The following PPP1R37 variants were observed in gnomAD, a reference collection of about 807,000 sequenced individuals.
PPP1R37 encodes the protein protein phosphatase 1 regulatory subunit 37.
PPP1R37 carries 21 observed loss-of-function variants against 61.0 expected under a neutral mutation model. That is an observed-to-expected ratio of 0.34 (90% confidence interval 0.24 to 0.50). The LOEUF (loss-of-function observed/expected upper bound fraction) is 0.50, where lower values mean the gene tolerates loss of function less well. PPP1R37 is among the 20% of genes least tolerant of loss of function. PPP1R37 has a pLI of 0.98. For synonymous variants in PPP1R37, 443 were observed against 433.5 expected (o/e 1.02, Z -0.27); for missense variants, 910 against 952.7 (o/e 0.96, Z 0.59).
Position 45,141,274 on chromosome 19 carries a change from C to A in PPP1R37, c.448-48C>A, listed in dbSNP as rs547486226. On this transcript the variant is annotated intron_variant, in intron 4 of 12. Transcript: ENST00000221462. ...CGGTGTCAGGGCCCACGCCTCTCCT[C>A]CAGGGCAGCCCAGAGCTGAGGCTGA... 5 of 1,503,444 alleles carry A rather than the reference C, an allele frequency of 3.3e-6. No homozygotes were observed. In the Admixed American group the frequency reaches 1.1e-4, roughly 33 times the overall value. 93.1% of individuals were successfully genotyped at this position (1,503,444 alleles called of 1,614,324 possible).
rs1301265403 is a variant in PPP1R37, at chr19:45,121,707, G to T, written c.203-16807G>T. Among the ~76,000 whole-genome samples, 1 of 152,234 alleles carries T rather than the reference G, an allele frequency of 6.6e-6. No homozygotes were observed. The highest frequency in any genetic ancestry group is 1.5e-5 in the Non-Finnish European group (1 of 68,040). The stretch of plus-strand genomic sequence containing the variant: ...TGAGGGGCCTCTGGATGCCCGCGGT[G>T]GGGTGCTGGGGCCTCCACGGGCGTC... On this transcript the variant is annotated intron_variant, in intron 1 of 12. Coordinates refer to ENST00000221462, the MANE Select transcript of PPP1R37 (RefSeq NM_019121.2). This position sits in a 1 kb window ranked among gnomAD's most constrained non-coding sequence, Gnocchi z 4.2.
At chr19:45,093,994 G>T (rs1334255335) in intron 1 of PPP1R37, among the ~76,000 whole-genome samples, 2 of 152,202 alleles carry the variant, frequency 1.3e-5, no homozygotes, top group Non-Finnish European at 2.9e-5. Context: ...GAGTGGTCGT[G>T]TTGGCCACTT....
intron 1 of PPP1R37, among the ~76,000 whole-genome samples, chr19:45,111,854 A>G (rs1968205336): frequency 6.6e-6 from 1 of 152,144 alleles, no homozygotes; most frequent in Non-Finnish European, 1.5e-5. Flanking sequence ...GGCCTTTTTA[A>G]AAGTTTTATC....
chr19:45,096,811 G>C (rs1434973317), intron 1 of PPP1R37, among the ~76,000 whole-genome samples: 1 of 152,202 alleles, frequency 6.6e-6, no homozygotes, highest in Admixed American at 6.5e-5. Context: ...CTGAGCTGCA[G>C]AGGTGATGAC....
At chr19:45,120,440 G>A (rs760460919) in intron 1 of PPP1R37, among the ~76,000 whole-genome samples, 23 of 152,144 alleles carry the variant, frequency 1.5e-4, no homozygotes, top group Non-Finnish European at 2.2e-4. Context: ...TCTCTGTGGC[G>A]GCAGGGCTCC....
intron 2 of PPP1R37, 43 bp downstream of exon 2, chr19:45,138,654 G>A: frequency 6.9e-7 from 1 of 1,439,038 alleles, no homozygotes; most frequent in African/African-American, 1.4e-5. Context: ...TGGGTGTCAA[G>A]GGGGGCCCTA....
intron 1 of PPP1R37, among the ~76,000 whole-genome samples, chr19:45,106,084 A>C (rs1392740018): frequency 6.6e-6 from 1 of 152,100 alleles, no homozygotes; most frequent in African/African-American, 2.4e-5. Flanking sequence ...ACTGCCTTCC[A>C]GTGCAGTCAA....
chr19:45,108,233 A>G (rs1364965618), intron 1 of PPP1R37, among the ~76,000 whole-genome samples: 2 of 152,096 alleles, frequency 1.3e-5, no homozygotes, highest in African/African-American at 4.8e-5. Flanking sequence ...GGCCAGAGAC[A>G]GGGTCTCGAT....
In PPP1R37 at chr19:45,121,604, C is replaced by G. The variant is rs935294305; in HGVS notation, c.203-16910C>G. ...ACGCAGTGAATATACAGGGTCCTCA[C>G]GCAAGGACCTGAGAGATGTGTGGGC... On this transcript the variant is annotated intron_variant, in intron 1 of 12. Coordinates refer to ENST00000221462, the MANE Select transcript of PPP1R37 (RefSeq NM_019121.2). This position sits in a 1 kb window ranked among gnomAD's most constrained non-coding sequence, Gnocchi z 4.2. Among the ~76,000 whole-genome samples, 1 of 152,234 alleles carries G rather than the reference C, an allele frequency of 6.6e-6. No individual in the cohort carries two copies. Among genetic ancestry groups the G allele is most frequent in the South Asian group, 2.1e-4 (1 of 4,830 alleles).
intron 1 of PPP1R37, among the ~76,000 whole-genome samples, chr19:45,100,737 C>T (rs1405620834): frequency 1.3e-5 from 2 of 152,124 alleles, no homozygotes; most frequent in African/African-American, 2.4e-5. Context: ...GCTGGCTTTG[C>T]GGTGTTGTGG....
chr19:45,093,526 T>TGA lies in PPP1R37; in HGVS notation c.202_202+1insAG (p.Ala68GlufsTer5). 3 of 1,532,632 alleles carry TGA rather than the reference T, an allele frequency of 2.0e-6. No homozygotes were observed. The highest frequency in any genetic ancestry group is 2.6e-6 in the Non-Finnish European group (3 of 1,144,950). The allele number at this position is 1,532,632 out of a possible 1,614,324, so 94.9% of individuals were successfully genotyped here. On this transcript the variant is annotated frameshift_variant and splice_region_variant, in exon 1 of 13. Coordinates refer to ENST00000221462, the MANE Select transcript of PPP1R37 (RefSeq NM_019121.2). LOFTEE classifies it high-confidence loss of function. ...TGGAGCCCAAAGACCCCTGGAGACA[T>TGA]GGTAGCTACCGCGGGTGAAGCGGGG...
rs1462876870 is a variant in PPP1R37, at chr19:45,145,442, G to A, written c.1386G>A (p.Glu462=). 2.6e-6 allele frequency: 4 copies of A among 1,535,314 alleles called. No individual in the cohort carries two copies. Among genetic ancestry groups the A allele is most frequent in the Admixed American group, 2.0e-5 (1 of 50,984 alleles). Residue 462 remains glutamate, a synonymous_variant, in exon 11 of 13, where the codon GAG becomes GAA. Coordinates refer to ENST00000221462, the MANE Select transcript of PPP1R37 (RefSeq NM_019121.2). ...KRNLVLARER[E]EKEQPPQLSA... is the part of the protein sequence containing the mutation. ...ACTTGGTGCTGGCGCGGGAGAGGGA[G>A]GAGAAGGAGCAGCCGCCACAGCTGT...
At chr19:45,118,314 T>C (rs1968296542) in intron 1 of PPP1R37, among the ~76,000 whole-genome samples, 1 of 152,146 alleles carries the variant, frequency 6.6e-6, no homozygotes, top group South Asian at 2.1e-4. Flanking sequence ...TCACAGGGCA[T>C]CTGAGGATGT....
intron 1 of PPP1R37, among the ~76,000 whole-genome samples, chr19:45,111,545 G>A (rs1163037698): frequency 1.3e-5 from 2 of 152,182 alleles, no homozygotes; most frequent in African/African-American, 4.8e-5. Context: ...CAAAGTACTG[G>A]GATTACAGGC....
chr19:45,106,727 A>G (rs907183350), intron 1 of PPP1R37, among the ~76,000 whole-genome samples: 26 of 146,082 alleles, frequency 1.8e-4, no homozygotes, highest in Non-Finnish European at 3.7e-4. Context: ...ATTGTTTTGT[A>G]GAGATGGATT....
intron 1 of PPP1R37, among the ~76,000 whole-genome samples, chr19:45,124,846 C>CT (rs1968383250): frequency 2.0e-5 from 3 of 151,190 alleles, no homozygotes; most frequent in Admixed American, 1.3e-4. Flanking sequence ...TAGGGTGTGC[C>CT]TGTAGTCTCA....
chr19:45,104,883 C>T (rs890693095), intron 1 of PPP1R37, among the ~76,000 whole-genome samples: 10 of 152,312 alleles, frequency 6.6e-5, no homozygotes, highest in Middle Eastern at 3.4e-3. Context: ...GCCCCACCTA[C>T]GCACACAGGT....
chr19:45,135,779 CTTTTTTTTTTT>C (rs546534256), intron 1 of PPP1R37, among the ~76,000 whole-genome samples: 1 of 128,840 alleles, frequency 7.8e-6, no homozygotes, highest in Non-Finnish European at 1.6e-5. Flanking sequence ...TTTGCATTTC[CTTTTTTTTTTT>C]TTTTTTTTGG....
At chr19:45,123,550 C>G (rs961737021) in intron 1 of PPP1R37, among the ~76,000 whole-genome samples, 1 of 152,226 alleles carries the variant, frequency 6.6e-6, no homozygotes, top group African/African-American at 2.4e-5. Context: ...ACAGACAGCT[C>G]TGGTTCAAAC....
Sources: allele counts gnomAD v4.1 joint callset (sites outside exome capture counted in the v4.1 genomes callset), GRCh38; gene constraint gnomAD v4.1.1; non-coding constraint Gnocchi (gnomAD v3.1); transcripts MANE v1.5; gene names NCBI Gene and HGNC (gene_info 2026-07-23, HGNC 2026-07-21).